Variants in DLG2 observed in about 807,000 individuals in gnomAD.
DLG2 encodes the protein disks large homolog 2.
DLG2 carries 45 observed loss-of-function variants against 132.5 expected under a neutral mutation model. The observed-to-expected ratio is 0.34, with a 90% CI of 0.27 to 0.44. The LOEUF is 0.44. Among genes scored for constraint, DLG2 ranks in the 20% least tolerant of loss-of-function variants. The probability of loss-of-function intolerance (pLI) is 1.00; values close to 1 mark genes in which losing one functional copy is unlikely to be tolerated. For missense variants in DLG2, 1,045 were observed against 1,196.9 expected (o/e 0.87, Z 1.87); for synonymous variants, 424 against 419.6 (o/e 1.01, Z -0.13).
At chr11:84,954,727 C>T (rs1204796812) in intron 6 of DLG2, among the ~76,000 whole-genome samples, 1 of 152,146 alleles carries the variant, frequency 6.6e-6, no homozygotes, top group African/African-American at 2.4e-5. Flanking sequence ...AGACAGTCCC[C>T]TATTAGGCTT....
At chr11:85,020,844 CA>C in intron 6 of DLG2, 1 of 751,014 alleles carries the variant, frequency 1.3e-6, no homozygotes, top group Non-Finnish European at 2.5e-6. Flanking sequence ...GGCCATCCCC[CA>C]ATCTTCATTG....
At chr11:84,401,871 G>T (rs1031690315) in intron 7 of DLG2, among the ~76,000 whole-genome samples, 10 of 152,064 alleles carry the variant, frequency 6.6e-5, no homozygotes, top group Non-Finnish European at 1.0e-4. Flanking sequence ...GTAGAGACAG[G>T]GTTTCACGTC....
intron 19 of DLG2, among the ~76,000 whole-genome samples, chr11:83,600,236 G>GGTGTGTGTGTGTGTGT (rs57674131): frequency 0.01 from 1,474 of 145,584 alleles, 22 homozygotes; most frequent in African/African-American, 0.019. Context: ...CTAGCTATAG[G>GGTGTGTGTGTGTGTGT]GTGTGTGTGT....
Position 84,802,639 on chromosome 11 carries a change from CA to C in DLG2, c.358-267909del, listed in dbSNP as rs1295934007. Among the ~76,000 whole-genome samples the C allele has an allele frequency of 7.3e-3, 642 of 88,030 alleles. 3 individuals carry two copies. The highest frequency in any genetic ancestry group is 0.022 in the African/African-American group (496 of 22,772). The allele number at this position is 88,030 out of a possible 152,430, so 57.8% of individuals were successfully genotyped here. A position where few individuals can be genotyped will look rare whatever the true frequency, so the allele number is the denominator to read the frequency against. On this transcript the variant is annotated intron_variant, in intron 6 of 27. Transcript: ENST00000376104. ...AATTAGACAACCAGAAACAAGTCAG[CA>C]AAAAAAAAAAAAAAAACTCTGGGTG... is the stretch of plus-strand genomic sequence containing the variant.
chr11:83,708,551 T>A (rs1442863358), intron 18 of DLG2, among the ~76,000 whole-genome samples: 1 of 152,212 alleles, frequency 6.6e-6, no homozygotes, highest in Non-Finnish European at 1.5e-5. Context: ...AACAAATGTC[T>A]TTCAATACTT....
intron 3 of DLG2, among the ~76,000 whole-genome samples, chr11:85,336,932 ATACTGGCTTTAGGAAG>A (rs995211988): frequency 2.6e-5 from 4 of 152,228 alleles, no homozygotes; most frequent in Admixed American, 2.6e-4. Context: ...GCTTTAAGAA[ATACTGGCTTTAGGAAG>A]TACTGGCTTC....
intron 15 of DLG2, among the ~76,000 whole-genome samples, chr11:83,885,535 T>C (rs1419396174): frequency 6.6e-6 from 1 of 152,116 alleles, no homozygotes; most frequent in Non-Finnish European, 1.5e-5. Context: ...CAGGATATTA[T>C]CCAGGAGAAC....
chr11:84,756,296 T>C (rs929153473), intron 6 of DLG2, among the ~76,000 whole-genome samples: 1 of 152,244 alleles, frequency 6.6e-6, no homozygotes, highest in Non-Finnish European at 1.5e-5. Flanking sequence ...CAAAATGTTA[T>C]GTAAATTCTA....
intron 3 of DLG2, among the ~76,000 whole-genome samples, chr11:85,468,798 G>C (rs1048465198): frequency 1.3e-5 from 2 of 152,084 alleles, no homozygotes; most frequent in African/African-American, 2.4e-5. Context: ...GTTGATTTGG[G>C]GTGCAGAGTT....
intron 3 of DLG2, among the ~76,000 whole-genome samples, chr11:85,440,186 C>G (rs959721482): frequency 6.6e-6 from 1 of 152,122 alleles, no homozygotes; most frequent in Non-Finnish European, 1.5e-5. Context: ...TAATTATTAA[C>G]CATTATCATT....
At chr11:84,449,472 T>C (rs904646393) in intron 7 of DLG2, among the ~76,000 whole-genome samples, 16 of 151,748 alleles carry the variant, frequency 1.1e-4, no homozygotes, top group Non-Finnish European at 1.6e-4. Flanking sequence ...TAGCATCATC[T>C]TGTTATATAC....
chr11:83,459,727 A>T lies in DLG2; in HGVS notation c.*91T>A. 1 of 697,814 alleles carries T rather than the reference A, an allele frequency of 1.4e-6. No individual in the cohort carries two copies. The highest frequency in any genetic ancestry group is 2.5e-6 in the Non-Finnish European group (1 of 394,916). 43.2% of individuals were successfully genotyped at this position (697,814 alleles called of 1,614,324 possible). On this transcript the variant is annotated 3_prime_UTR_variant, in exon 28 of 28. Coordinates refer to ENST00000376104, the MANE Select transcript of DLG2 (RefSeq NM_001142699.3). Reference sequence around the variant, plus strand: ...ACATTGACTGCAAAAACATAAATGCAACAAAAACATAAAAGCCTCCAAGTA... The same window carrying T: ...ACATTGACTGCAAAAACATAAATGCTACAAAAACATAAAAGCCTCCAAGTA...
chr11:85,180,994 T>TC (rs2079653021), intron 4 of DLG2, among the ~76,000 whole-genome samples: 1 of 151,750 alleles, frequency 6.6e-6, no homozygotes, highest in Non-Finnish European at 1.5e-5. Context: ...GACAATTTTT[T>TC]AATTATTCAT....
intron 3 of DLG2, among the ~76,000 whole-genome samples, chr11:85,405,545 C>G (rs1051571088): frequency 5.9e-5 from 9 of 152,032 alleles, no homozygotes; most frequent in Non-Finnish European, 1.0e-4. Flanking sequence ...TGTGCACTGA[C>G]TGCTTACCAT....
chr11:85,354,218 ATTATCTCATGTCT>A (rs1180307079), intron 3 of DLG2, among the ~76,000 whole-genome samples: 2 of 152,160 alleles, frequency 1.3e-5, no homozygotes, highest in Non-Finnish European at 2.9e-5. Flanking sequence ...TAAGCCAAAA[ATTATCTCATGTCT>A]TTGAATAATT....
intron 6 of DLG2, among the ~76,000 whole-genome samples, chr11:84,998,271 G>C (rs1015857958): frequency 1.3e-5 from 2 of 151,972 alleles, no homozygotes; most frequent in Admixed American, 1.3e-4. Context: ...GAGGTAATCG[G>C]ATTATGGTGG....
intron 11 of DLG2, among the ~76,000 whole-genome samples, chr11:83,992,590 T>G (rs1049825833): frequency 6.6e-6 from 1 of 152,156 alleles, no homozygotes; most frequent in South Asian, 2.1e-4. Context: ...TAAGTAGTTT[T>G]AGGCGGAGTG....
chr11:85,533,159 G>T (rs1478174331), intron 3 of DLG2, among the ~76,000 whole-genome samples: 1 of 152,030 alleles, frequency 6.6e-6, no homozygotes, highest in Non-Finnish European at 1.5e-5. Context: ...AAGTAGCTGG[G>T]ATTACAGGAT....
chr11:84,263,184 C>T (rs1310714033), intron 7 of DLG2, among the ~76,000 whole-genome samples: 1 of 152,118 alleles, frequency 6.6e-6, no homozygotes, highest in African/African-American at 2.4e-5. Context: ...CATCAAGGAT[C>T]TAATTTTACT....
Sources: allele counts gnomAD v4.1 joint callset (sites outside exome capture counted in the v4.1 genomes callset), GRCh38; gene constraint gnomAD v4.1.1; transcripts MANE v1.5; gene names NCBI Gene and HGNC (gene_info 2026-07-23, HGNC 2026-07-21).